Variants in ANKRD13A observed in about 807,000 individuals in gnomAD.
The protein encoded by ANKRD13A is ankyrin repeat domain-containing protein 13A.
Under a neutral mutation model 81.3 loss-of-function variants are expected in ANKRD13A, and 48 were observed. The ratio of observed to expected loss-of-function variants is 0.59; its 90% CI spans 0.47 to 0.75. The LOEUF (loss-of-function observed/expected upper bound fraction) is 0.75. ANKRD13A is among the 30% of genes least tolerant of loss of function. The probability of loss-of-function intolerance (pLI) is 0.00; values close to 1 mark genes in which losing one functional copy is unlikely to be tolerated. For missense variants in ANKRD13A, 612 were observed against 734.0 expected, an observed-to-expected ratio of 0.83 and a Z score of 1.92; for synonymous variants, 230 against 270.1, an observed-to-expected ratio of 0.85 and a Z score of 1.45.
intron 11 of ANKRD13A, 132 bp downstream of exon 11, chr12:110,029,767 G>T (rs1243695292): frequency 4.0e-6 from 4 of 989,878 alleles, no homozygotes; most frequent in African/African-American, 1.6e-5. Flanking sequence ...TAACAGAGGA[G>T]GTCAGAGTTC....
chr12:110,015,831 G>A (rs1474259844), intron 3 of ANKRD13A, among the ~76,000 whole-genome samples: 1 of 152,094 alleles, frequency 6.6e-6, no homozygotes, highest in African/African-American at 2.4e-5. Context: ...ACAGGCATGA[G>A]TGAGCCACTG....
chr12:110,004,886 G>T (rs1343176989), intron 1 of ANKRD13A, among the ~76,000 whole-genome samples: 1 of 151,984 alleles, frequency 6.6e-6, no homozygotes, highest in African/African-American at 2.4e-5. Flanking sequence ...TGTAAGGTAG[G>T]TTTTTTTTAT....
chr12:110,026,577 C>CA (rs758540766), intron 8 of ANKRD13A, among the ~76,000 whole-genome samples: 3,197 of 109,880 alleles, frequency 0.029, 115 homozygotes, highest in African/African-American at 0.094. Flanking sequence ...AACTCCATCT[C>CA]AAAAAAAAAA....
chr12:110,018,237 A>G lies in ANKRD13A; in HGVS notation c.401-108A>G. On this transcript the variant is annotated intron_variant, in intron 4 of 14. Transcript: ENST00000261739. The surrounding 1 kb of genome is among the most constrained non-coding windows in gnomAD (Gnocchi z 4.4). The stretch of plus-strand genomic sequence containing the variant: ...CCAAGAAGTCCGTTGTTTGATGGTC[A>G]CCATCTTGCCACTCCCCTCCTTTTA... 1 of 1,187,576 alleles carries G rather than the reference A, an allele frequency of 8.4e-7. No individual in the cohort carries two copies. The highest frequency in any genetic ancestry group is 1.7e-5 in the South Asian group (1 of 59,576). The allele number at this position is 1,187,576 out of a possible 1,614,324, so 73.6% of individuals were successfully genotyped here.
At chr12:110,026,104 A>G (rs1398684463) in intron 8 of ANKRD13A, among the ~76,000 whole-genome samples, 3 of 151,612 alleles carry the variant, frequency 2.0e-5, no homozygotes, top group Non-Finnish European at 2.9e-5. Flanking sequence ...TGGGATTACA[A>G]GCACCCACCA....
chr12:110,039,608 T>C lies in ANKRD13A; in HGVS notation c.*2054T>C, dbSNP rs1892250212. On this transcript the variant is annotated 3_prime_UTR_variant, in exon 15 of 15. Transcript: ENST00000261739. Reference sequence around the variant, plus strand: ...CCAGGTTAACAAGCCCCATGCTGCTTGTTTCAAATGGCAACTAAAAGCAAG... The same window carrying C: ...CCAGGTTAACAAGCCCCATGCTGCTCGTTTCAAATGGCAACTAAAAGCAAG... The C allele has an allele frequency of 6.6e-6, 1 of 152,252 alleles. No individual in the cohort carries two copies. The highest frequency in any genetic ancestry group is 6.5e-5 in the Admixed American group (1 of 15,278). The allele number at this position is 152,252 out of a possible 1,614,324, so 9.4% of individuals were successfully genotyped here. A position where few individuals can be genotyped will look rare whatever the true frequency, so the allele number is the denominator to read the frequency against.
chr12:110,034,944 A>G (rs558741683), intron 13 of ANKRD13A, among the ~76,000 whole-genome samples: 3 of 152,230 alleles, frequency 2.0e-5, no homozygotes, highest in Admixed American at 2.0e-4. Flanking sequence ...CAGTGCTCAC[A>G]CTCCAGCGTC....
chr12:110,009,330 C>G (rs1274762988), intron 1 of ANKRD13A, among the ~76,000 whole-genome samples: 2 of 152,226 alleles, frequency 1.3e-5, no homozygotes, highest in Admixed American at 6.5e-5. Flanking sequence ...ATCCACCCGC[C>G]TCGGCCTCTC....
chr12:110,003,925 A>G (rs11064687), intron 1 of ANKRD13A, among the ~76,000 whole-genome samples: 11,609 of 151,956 alleles, frequency 0.076, 650 homozygotes, highest in African/African-American at 0.15. Context: ...TTGGGAGGCC[A>G]AGGCAGGTGG....
Position 109,999,880 on chromosome 12 carries a change from G to C in ANKRD13A, c.96+96G>C. On this transcript the variant is annotated intron_variant, in intron 1 of 14. Transcript: ENST00000261739. The surrounding 1 kb of genome is among the most constrained non-coding windows in gnomAD (Gnocchi z 4.3). The stretch of plus-strand genomic sequence containing the variant: ...AGCCCATTTCCAGCCCTCTGTCCCC[G>C]GGATCCCCAGACCCCTTCCACTTTG... 1 of 1,147,760 alleles carries C rather than the reference G, an allele frequency of 8.7e-7. No individual in the cohort carries two copies. The highest frequency in any genetic ancestry group is 1.2e-6 in the Non-Finnish European group (1 of 837,748). The allele number at this position is 1,147,760 out of a possible 1,614,324, so 71.1% of individuals were successfully genotyped here. A position where few individuals can be genotyped will look rare whatever the true frequency, so the allele number is the denominator to read the frequency against.
chr12:110,029,527 G>A lies in ANKRD13A; in HGVS notation c.1126G>A (p.Glu376Lys). ...MCEEFPLSLV[E>K]QVIPIIDLMA... The stretch of plus-strand genomic sequence containing the variant: ...TGAAGAGTTTCCCCTCTCTCTGGTG[G>A]AGCAGGTCATTCCCATCATTGACCT... The change falls in exon 11 of 15, where the codon GAG becomes AAG. Residue 376 changes from glutamate (E) to lysine (K), a missense_variant. Glu to Lys is a moderately conservative substitution (Grantham distance 56, BLOSUM62 1). Transcript: ENST00000261739. 6.2e-7 allele frequency: 1 copy of A among 1,613,990 alleles called. No individual in the cohort carries two copies. Among genetic ancestry groups the A allele is most frequent in the Admixed American group, 1.7e-5 (1 of 60,012 alleles).
At chr12:110,002,722 C>T (rs1054380510) in intron 1 of ANKRD13A, among the ~76,000 whole-genome samples, 2 of 152,188 alleles carry the variant, frequency 1.3e-5, no homozygotes, top group Admixed American at 6.5e-5. Context: ...TTCCTCATTC[C>T]GTCTATCACC....
chr12:110,029,902 A>G (rs2137166173), intron 11 of ANKRD13A, among the ~76,000 whole-genome samples: 1 of 152,338 alleles, frequency 6.6e-6, no homozygotes, highest in Non-Finnish European at 1.5e-5. Flanking sequence ...GCATAAAAAC[A>G]TGACACAGTC....
intron 7 of ANKRD13A, among the ~76,000 whole-genome samples, chr12:110,024,680 A>C (rs1354115230): frequency 2.0e-5 from 3 of 152,194 alleles, no homozygotes; most frequent in Non-Finnish European, 4.4e-5. Flanking sequence ...GTTGGAGCCC[A>C]GTGCTGCAGG....
In ANKRD13A at chr12:109,999,790, G is replaced by A; in HGVS notation, c.96+6G>A. 6.5e-7 allele frequency: 1 copy of A among 1,530,126 alleles called. No individual in the cohort carries two copies. The highest frequency in any genetic ancestry group is 8.8e-7 in the Non-Finnish European group (1 of 1,137,016). The allele number at this position is 1,530,126 out of a possible 1,614,324, so 94.8% of individuals were successfully genotyped here. On this transcript the variant is annotated splice_donor_region_variant and intron_variant, in intron 1 of 14. Coordinates refer to ENST00000261739, the MANE Select transcript of ANKRD13A (RefSeq NM_033121.2). The surrounding 1 kb of genome is among the most constrained non-coding windows in gnomAD (Gnocchi z 4.3). ...AGAAGGAGCTGCAGGGCCAGGTGAG[G>A]GGCGGGGCGGGGGTCCGTCTCCCGG...
intron 1 of ANKRD13A, among the ~76,000 whole-genome samples, chr12:110,005,025 A>G (rs1890168095): frequency 6.6e-6 from 1 of 152,174 alleles, no homozygotes; most frequent in Non-Finnish European, 1.5e-5. Context: ...AAAGATTTTT[A>G]TTGCGATATA....
intron 13 of ANKRD13A, among the ~76,000 whole-genome samples, chr12:110,035,443 A>G: frequency 6.9e-6 from 1 of 145,854 alleles, no homozygotes; most frequent in East Asian, 2.0e-4. Flanking sequence ...TATATCTACC[A>G]AATTTTTTTT....
At chr12:110,025,959 T>TCA in intron 8 of ANKRD13A, 136 bp downstream of exon 8, 1 of 628,410 alleles carries the variant, frequency 1.6e-6, no homozygotes, top group Non-Finnish European at 2.6e-6. Flanking sequence ...CTTCTCTCTC[T>TCA]CTCTCTTTTT....
chr12:110,016,970 C>T (rs1020892873), intron 4 of ANKRD13A, among the ~76,000 whole-genome samples: 8 of 152,044 alleles, frequency 5.3e-5, no homozygotes, highest in Admixed American at 6.6e-5. Flanking sequence ...AGTGGGGTTT[C>T]ACCATGTTAG....
Sources: allele counts gnomAD v4.1 joint callset (sites outside exome capture counted in the v4.1 genomes callset), GRCh38; gene constraint gnomAD v4.1.1; non-coding constraint Gnocchi (gnomAD v3.1); transcripts MANE v1.5; gene names NCBI Gene and HGNC (gene_info 2026-07-23, HGNC 2026-07-21).